Variants in IFIT3 observed in about 807,000 individuals in gnomAD.
IFIT3 encodes interferon-induced protein with tetratricopeptide repeats 3.
A neutral mutation model predicts 2.4 loss-of-function variants in IFIT3; 2 were observed. That is an observed-to-expected ratio of 0.82 (90% CI 0.34 to 2.60). IFIT3 has a LOEUF of 2.60. Among genes scored for constraint, IFIT3 ranks in the 30% most tolerant of loss-of-function variants. The pLI, the probability that IFIT3 is intolerant of heterozygous loss-of-function variation, is 0.11. For synonymous variants in IFIT3, 203 were observed against 212.1 expected (o/e 0.96, Z 0.37); for missense variants, 481 against 562.4 (o/e 0.86, Z 1.46).
At chr10:89,329,493 A>G (rs970210270) in intron 1 of IFIT3, among the ~76,000 whole-genome samples, 2 of 152,118 alleles carry the variant, frequency 1.3e-5, no homozygotes, top group African/African-American at 4.8e-5. Flanking sequence ...TGCTGGACTC[A>G]GGTTCACATC....
chr10:89,334,337 T>C (rs1030806855), intron 1 of IFIT3, among the ~76,000 whole-genome samples: 36 of 152,176 alleles, frequency 2.4e-4, no homozygotes, highest in African/African-American at 8.2e-4. Context: ...TCCGAGGTCA[T>C]GGGAAATCTC....
chr10:89,329,841 T>G (rs956151522), intron 1 of IFIT3, among the ~76,000 whole-genome samples: 9 of 152,040 alleles, frequency 5.9e-5, no homozygotes, highest in Admixed American at 3.9e-4. Flanking sequence ...TTCACCTGGG[T>G]GCAGGTGGGC....
intron 1 of IFIT3, among the ~76,000 whole-genome samples, chr10:89,335,142 A>G (rs931240094): frequency 3.3e-5 from 5 of 152,174 alleles, no homozygotes; most frequent in Admixed American, 3.3e-4. Flanking sequence ...TGGAGACTTT[A>G]GGGAGTAAGG....
intron 1 of IFIT3, among the ~76,000 whole-genome samples, chr10:89,336,639 T>C (rs2133559425): frequency 6.6e-6 from 1 of 152,360 alleles, no homozygotes; most frequent in Admixed American, 6.5e-5. Flanking sequence ...CTGAGATTAC[T>C]TTTTCAGTGG....
chr10:89,331,624 C>T (rs989757173), intron 1 of IFIT3, among the ~76,000 whole-genome samples: 1 of 152,064 alleles, frequency 6.6e-6, no homozygotes. Context: ...CTTTGGGAGG[C>T]CGAGGAGGGC....
intron 1 of IFIT3, among the ~76,000 whole-genome samples, chr10:89,330,748 A>C (rs1843641702): frequency 1.2e-5 from 1 of 86,284 alleles, no homozygotes. Context: ...TCTTCCCTTC[A>C]CTCAAGATGC....
chr10:89,336,372 A>G (rs540556934), intron 1 of IFIT3, among the ~76,000 whole-genome samples: 2 of 152,356 alleles, frequency 1.3e-5, no homozygotes, highest in East Asian at 1.9e-4. Context: ...AGCCGGATGT[A>G]GATGGCAACT....
In IFIT3 at chr10:89,339,605, A is replaced by G; in HGVS notation, c.950A>G (p.Tyr317Cys). The G allele has an allele frequency of 6.2e-7, 1 of 1,614,206 alleles. No homozygotes were observed. Among genetic ancestry groups the G allele is most frequent in the South Asian group, 1.1e-5 (1 of 91,088 alleles). The part of the protein sequence containing the change: ...IEALKQYAMD[Y>C]SNKALEKGLN... ...GCACTAAAGCAATATGCTATGGACT[A>G]TTCGAATAAAGCTCTTGAGAAGGGA... Residue 317 changes from tyrosine (Y) to cysteine (C), a missense_variant, in exon 2 of 2, where the codon TAT becomes TGT. Tyr to Cys is a radical substitution (Grantham distance 194). Transcript: ENST00000371818.
chr10:89,335,794 T>A (rs1388084251), intron 1 of IFIT3, among the ~76,000 whole-genome samples: 1 of 152,204 alleles, frequency 6.6e-6, no homozygotes, highest in Non-Finnish European at 1.5e-5. Flanking sequence ...AATTCACACA[T>A]CAGCAAAGTT....
At chr10:89,337,113 G>A (rs891716980) in intron 1 of IFIT3, among the ~76,000 whole-genome samples, 1 of 152,212 alleles carries the variant, frequency 6.6e-6, no homozygotes, top group African/African-American at 2.4e-5. Context: ...CTGAGCCTCC[G>A]TGGGTCTGTT....
In IFIT3 at chr10:89,328,133, T is replaced by A. The variant is rs74830635; in HGVS notation, c.5+55T>A. ...TTGTTTTTGAGTGCAAATTGTAAGT[T>A]GAGTTTCTTACTGTGCAGGCACATT... On this transcript the variant is annotated intron_variant, in intron 1 of 1. Transcript: ENST00000371818. The A allele has an allele frequency of 3.8e-3, 5,989 of 1,566,384 alleles. 213 individuals carry two copies. The African/African-American group carries it at 0.07, about 18-fold the overall frequency.
At chr10:89,336,287 A>T (rs1033371249) in intron 1 of IFIT3, among the ~76,000 whole-genome samples, 1 of 152,130 alleles carries the variant, frequency 6.6e-6, no homozygotes, top group African/African-American at 2.4e-5. Flanking sequence ...GAAGATATTG[A>T]CACTGGAACC....
intron 1 of IFIT3, among the ~76,000 whole-genome samples, chr10:89,334,667 G>A (rs12244571): frequency 0.062 from 9,272 of 150,050 alleles, 682 homozygotes; most frequent in African/African-American, 0.18. Context: ...TAATTTTTGT[G>A]TTTTTAGTAC....
Position 89,338,836 on chromosome 10 carries a change from A to G in IFIT3, c.181A>G (p.Lys61Glu), listed in dbSNP as rs1843792973. 1 of 1,614,184 alleles carries G rather than the reference A, an allele frequency of 6.2e-7. No individual in the cohort carries two copies. The highest frequency in any genetic ancestry group is 8.5e-7 in the Non-Finnish European group (1 of 1,180,022). ...ATMYNLLAYI[K>E]HLDGNNEAAL... ...AATGTACAACTTGTTGGCCTACATA[A>G]AACACCTAGATGGTAACAACGAGGC... Residue 61 changes from lysine (K) to glutamate (E), a missense_variant, in exon 2 of 2, where the codon AAA (lysine) becomes GAA (glutamate). Physicochemically the swap from Lys to Glu is moderately conservative, Grantham distance 56. Transcript: ENST00000371818.
chr10:89,334,665 G>T (rs191335706), intron 1 of IFIT3, among the ~76,000 whole-genome samples: 2,924 of 150,608 alleles, frequency 0.019, 42 homozygotes, highest in African/African-American at 0.037. Flanking sequence ...GCTAATTTTT[G>T]TGTTTTTAGT....
intron 1 of IFIT3, among the ~76,000 whole-genome samples, chr10:89,336,373 G>A (rs918736005): frequency 6.6e-6 from 1 of 152,220 alleles, no homozygotes; most frequent in Admixed American, 6.5e-5. Context: ...GCCGGATGTA[G>A]ATGGCAACTT....
chr10:89,338,238 G>C (rs975362941), intron 1 of IFIT3: 1 of 163,574 alleles, frequency 6.1e-6, no homozygotes, highest in African/African-American at 2.4e-5. Flanking sequence ...TTGTCTGCAA[G>C]CTGGAGACCA....
At chr10:89,329,976 AG>A (rs1273253445) in intron 1 of IFIT3, among the ~76,000 whole-genome samples, 2 of 152,170 alleles carry the variant, frequency 1.3e-5, no homozygotes, top group East Asian at 3.9e-4. Context: ...GGGGGTCACA[AG>A]GTGCTCAGTA....
chr10:89,329,130 G>A (rs1843625683), intron 1 of IFIT3, among the ~76,000 whole-genome samples: 1 of 152,154 alleles, frequency 6.6e-6, no homozygotes, highest in Non-Finnish European at 1.5e-5. Flanking sequence ...AAGGAGTGAG[G>A]AGGTGATTGC....
Sources: gnomAD v4.1 joint callset for allele counts (sites outside exome capture counted in the v4.1 genomes callset) on GRCh38, gnomAD v4.1.1 for gene constraint, MANE v1.5 for transcripts, NCBI Gene and HGNC (gene_info 2026-07-23, HGNC 2026-07-21) for gene names.